DPYD: variants seen among roughly 807,000 people sequenced by gnomAD.
DPYD encodes dihydropyrimidine dehydrogenase [NADP(+)].
A neutral mutation model predicts 116.2 loss-of-function variants in DPYD; 109 were observed. That is an observed-to-expected ratio of 0.94 (90% CI 0.80 to 1.10). The LOEUF (loss-of-function observed/expected upper bound fraction) is 1.10. Ranked by LOEUF, DPYD falls within the 50% of genes least tolerant of loss-of-function variation. DPYD has a pLI of 0.00. For missense variants in DPYD, 1,302 were observed against 1,254.5 expected, an observed-to-expected ratio of 1.04 and a Z score of -0.57; for synonymous variants, 440 against 432.0, an observed-to-expected ratio of 1.02 and a Z score of -0.23.
chr1:97,094,774 A>C (rs551439260), intron 21 of DPYD, among the ~76,000 whole-genome samples: 2 of 152,274 alleles, frequency 1.3e-5, no homozygotes, highest in Admixed American at 1.3e-4. Flanking sequence ...TAGATTTATC[A>C]TAAAGGAAGA....
At chr1:97,481,921 C>T (rs977359724) in intron 13 of DPYD, among the ~76,000 whole-genome samples, 1 of 152,112 alleles carries the variant, frequency 6.6e-6, no homozygotes, top group African/African-American at 2.4e-5. Flanking sequence ...CACACACATA[C>T]AAACATTTCT....
intron 12 of DPYD, among the ~76,000 whole-genome samples, chr1:97,522,958 C>T (rs561834356): frequency 1.3e-5 from 2 of 152,084 alleles, no homozygotes; most frequent in African/African-American, 4.8e-5. Context: ...ATCTCATTTA[C>T]CTATATGCTA....
intron 19 of DPYD, among the ~76,000 whole-genome samples, chr1:97,197,534 A>G (rs976046626): frequency 6.6e-6 from 1 of 152,218 alleles, no homozygotes; most frequent in Non-Finnish European, 1.5e-5. Flanking sequence ...GATGAACAGT[A>G]AAGTATAATC....
chr1:97,853,215 T>C (rs886991487), intron 2 of DPYD, among the ~76,000 whole-genome samples: 1 of 152,244 alleles, frequency 6.6e-6, no homozygotes, highest in Non-Finnish European at 1.5e-5. Flanking sequence ...GTTTATTATA[T>C]GGTAATATCA....
intron 8 of DPYD, among the ~76,000 whole-genome samples, chr1:97,635,773 G>A (rs1418423002): frequency 3.3e-5 from 5 of 151,962 alleles, no homozygotes; most frequent in East Asian, 1.9e-4. Context: ...AAATTGTCCC[G>A]TCCCAAAAAC....
intron 5 of DPYD, among the ~76,000 whole-genome samples, chr1:97,700,780 T>C (rs1661555161): frequency 6.6e-6 from 1 of 151,964 alleles, no homozygotes; most frequent in Non-Finnish European, 1.5e-5. Flanking sequence ...GATTGATATG[T>C]TCAAAAATAT....
At chr1:97,126,002 A>T (rs1455586028) in intron 20 of DPYD, among the ~76,000 whole-genome samples, 1 of 152,138 alleles carries the variant, frequency 6.6e-6, no homozygotes, top group Non-Finnish European at 1.5e-5. Flanking sequence ...TTTTGAGATC[A>T]TTACTGGCTA....
At chr1:97,686,509 A>G (rs113066173) in intron 7 of DPYD, among the ~76,000 whole-genome samples, 1 of 150,456 alleles carries the variant, frequency 6.6e-6, no homozygotes, top group Non-Finnish European at 1.5e-5. Context: ...TGGTAGCGGG[A>G]GCCTGTAGTC....
At chr1:97,110,874 A>G (rs1557868801) in intron 20 of DPYD, among the ~76,000 whole-genome samples, 1 of 151,990 alleles carries the variant, frequency 6.6e-6, no homozygotes, top group Non-Finnish European at 1.5e-5. Context: ...TCTTTCTTAA[A>G]ACACTATCCT....
Position 97,078,911 on chromosome 1 carries a change from T to C in DPYD, c.*65A>G, listed in dbSNP as rs1360386552. On this transcript the variant is annotated 3_prime_UTR_variant, in exon 23 of 23. Transcript: ENST00000370192. ...TGGAAAGAGCTGAACACAAGGATCA[T>C]GATTTTAAAAGATCAGCATATGTAG... The C allele has an allele frequency of 6.4e-7, 1 of 1,559,474 alleles. No individual in the cohort carries two copies. Among genetic ancestry groups the C allele is most frequent in the East Asian group, 2.2e-5 (1 of 44,594 alleles).
chr1:97,528,881 A>G (rs1649351715), intron 12 of DPYD, among the ~76,000 whole-genome samples: 3 of 152,070 alleles, frequency 2.0e-5, no homozygotes. Flanking sequence ...CAGAAATTTG[A>G]TTGTGTTATG....
intron 3 of DPYD, among the ~76,000 whole-genome samples, chr1:97,796,733 A>G (rs1007641982): frequency 6.6e-6 from 1 of 151,100 alleles, no homozygotes; most frequent in Admixed American, 6.6e-5. Context: ...TAGTTACCAC[A>G]AAAGTAATAA....
chr1:97,785,208 G>A (rs2101232088), intron 3 of DPYD, among the ~76,000 whole-genome samples: 1 of 152,190 alleles, frequency 6.6e-6, no homozygotes, highest in Non-Finnish European at 1.5e-5. Context: ...ACACCACAAA[G>A]TCCATTGAAC....
intron 3 of DPYD, among the ~76,000 whole-genome samples, chr1:97,802,859 T>A (rs567556454): frequency 6.6e-6 from 1 of 151,902 alleles, no homozygotes; most frequent in African/African-American, 2.4e-5. Context: ...CCTATGTCAA[T>A]TTTTTTGTGA....
intron 13 of DPYD, 76 bp downstream of exon 13, chr1:97,515,650 A>T (rs1362389037): frequency 2.3e-6 from 3 of 1,318,916 alleles, no homozygotes; most frequent in Non-Finnish European, 3.2e-6. Flanking sequence ...TAGTAAAAAA[A>T]ATCCATTATA....
chr1:97,822,251 C>T (rs1571415981), intron 3 of DPYD, among the ~76,000 whole-genome samples: 1 of 148,768 alleles, frequency 6.7e-6, no homozygotes, highest in African/African-American at 2.5e-5. Context: ...TATATATACA[C>T]ACACACAGAT....
At chr1:97,807,376 T>C (rs941334312) in intron 3 of DPYD, among the ~76,000 whole-genome samples, 31 of 152,074 alleles carry the variant, frequency 2.0e-4, no homozygotes, top group Non-Finnish European at 4.3e-4. Context: ...GTGGTATCTG[T>C]TGTTTTAATT....
chr1:97,430,443 G>A (rs1323400405), intron 14 of DPYD, among the ~76,000 whole-genome samples: 1 of 152,038 alleles, frequency 6.6e-6, no homozygotes, highest in Non-Finnish European at 1.5e-5. Context: ...TAAAAAAACA[G>A]AAACATTTTA....
chr1:97,525,871 C>CGTGTGTGTGTGTGTGCGCGCGCGCGT, intron 12 of DPYD, among the ~76,000 whole-genome samples: 1 of 123,064 alleles, frequency 8.1e-6, no homozygotes, highest in Admixed American at 8.7e-5. Flanking sequence ...TAAGAGTGTG[C>CGTGTGTGTGTGTGTGCGCGCGCGCGT]GTGTGTGTGT....
Sources: gnomAD v4.1 joint callset for allele counts (sites outside exome capture counted in the v4.1 genomes callset) on GRCh38, gnomAD v4.1.1 for gene constraint, MANE v1.5 for transcripts, NCBI Gene and HGNC (gene_info 2026-07-23, HGNC 2026-07-21) for gene names.